Variants in FGFR4 observed in about 807,000 individuals in gnomAD.
The protein encoded by FGFR4 is hydroxyaryl-protein kinase.
A neutral mutation model predicts 89.9 loss-of-function variants in FGFR4; 63 were observed. The observed-to-expected ratio is 0.70, with a 90% CI of 0.57 to 0.86. The LOEUF is 0.86. Ranked by LOEUF, FGFR4 falls within the 40% of genes least tolerant of loss-of-function variation. The probability of loss-of-function intolerance (pLI) is 0.00; values close to 1 mark genes in which losing one functional copy is unlikely to be tolerated. For synonymous variants in FGFR4, 486 were observed against 479.4 expected (o/e 1.01, Z -0.18); for missense variants, 928 against 1,106.7 (o/e 0.84, Z 2.29).
Position 177,091,744 on chromosome 5 carries a change from A to T in FGFR4, c.663A>T (p.Thr221=). 1 of 1,614,240 alleles carries T rather than the reference A, an allele frequency of 6.2e-7. No homozygotes were observed. The highest frequency in any genetic ancestry group is 8.5e-7 in the Non-Finnish European group (1 of 1,180,040). ...GCGTGGTGCCCTCGGACCGCGGCAC[A>T]TACACCTGCCTGGTAGAGAACGCTG... The part of the protein sequence containing the change: ...MESVVPSDRG[T]YTCLVENAVG... Residue 221 remains threonine (T), a synonymous_variant, in exon 6 of 18, where the codon ACA becomes ACT. Transcript: ENST00000292408.
intron 5 of FGFR4, 52 bp from the exon 6 acceptor site, chr5:177,091,633 G>T: frequency 6.2e-7 from 1 of 1,605,260 alleles, no homozygotes; most frequent in Non-Finnish European, 8.5e-7. Context: ...TGGTCCTCTG[G>T]CCCCCTTGGT....
intron 8 of FGFR4, 30 bp downstream of exon 8, chr5:177,092,814 C>G: frequency 6.2e-7 from 1 of 1,614,086 alleles, no homozygotes; most frequent in Non-Finnish European, 8.5e-7. Context: ...GGAGATGCTG[C>G]GAGATGCCCC....
Position 177,093,631 on chromosome 5 carries a change from G to C in FGFR4, c.1398-23G>C. 1 of 1,614,162 alleles carries C rather than the reference G, an allele frequency of 6.2e-7. No homozygotes were observed. The highest frequency in any genetic ancestry group is 1.3e-5 in the African/African-American group (1 of 75,076). Reference sequence around the variant, plus strand: ...CCGCAGGAGTGACTCGGAGGTCTGAGGCTGGACTTTCTCCATCTCCAGGCT... The same window carrying C: ...CCGCAGGAGTGACTCGGAGGTCTGACGCTGGACTTTCTCCATCTCCAGGCT... On this transcript the variant is annotated intron_variant, in intron 10 of 17. Coordinates refer to ENST00000292408, the MANE Select transcript of FGFR4 (RefSeq NM_213647.3). The surrounding 1 kb of genome is among the most constrained non-coding windows in gnomAD (Gnocchi z 5.8).
chr5:177,097,693 T>G lies in FGFR4; in HGVS notation c.*17T>G. 1 of 1,611,952 alleles carries G rather than the reference T, an allele frequency of 6.2e-7. No individual in the cohort carries two copies. The highest frequency in any genetic ancestry group is 8.5e-7 in the Non-Finnish European group (1 of 1,178,798). Reference sequence around the variant, plus strand: ...CAGACATGAGCAAGGCTCAAGGCTGTGCAGGCACATAGGCTGGTGGCCTTG... The same window carrying G: ...CAGACATGAGCAAGGCTCAAGGCTGGGCAGGCACATAGGCTGGTGGCCTTG... On this transcript the variant is annotated 3_prime_UTR_variant, in exon 18 of 18. Coordinates refer to ENST00000292408, the MANE Select transcript of FGFR4 (RefSeq NM_213647.3).
At position 177,090,371 on chromosome 5, in the gene FGFR4, C is replaced by G. The variant is rs369619218; in HGVS notation, c.92-19C>G. 35 of 1,599,848 alleles carry G rather than the reference C, an allele frequency of 2.2e-5. No homozygotes were observed. Among genetic ancestry groups the G allele is most frequent in the Non-Finnish European group, 2.8e-5 (33 of 1,179,924 alleles). On this transcript the variant is annotated intron_variant, in intron 2 of 17. Transcript: ENST00000292408. ...AGATGGGGCTGCGGGGTCTGCTGACCTCTGCCCTCTGCCCACAGAGCCCTG... is the reference window on the plus strand; with the variant it reads ...AGATGGGGCTGCGGGGTCTGCTGACGTCTGCCCTCTGCCCACAGAGCCCTG...
chr5:177,097,999 C>A lies in FGFR4; in HGVS notation c.*323C>A. ...TTCTGGGCCTCTGAACCCCCTTTCC[C>A]CACACCTCCCCCTGCTGCTGCTGCC... On this transcript the variant is annotated 3_prime_UTR_variant, in exon 18 of 18. Transcript: ENST00000292408. 3.3e-6 allele frequency: 1 copy of A among 301,528 alleles called. No individual in the cohort carries two copies. Among genetic ancestry groups the A allele is most frequent in the East Asian group, 5.0e-5 (1 of 20,048 alleles). 18.7% of individuals were successfully genotyped at this position (301,528 alleles called of 1,614,324 possible).
Position 177,087,238 on chromosome 5 carries a change from A to G in FGFR4, c.-54+161A>G, listed in dbSNP as rs1267521160. On this transcript the variant is annotated intron_variant, in intron 1 of 17. Coordinates refer to ENST00000292408, the MANE Select transcript of FGFR4 (RefSeq NM_213647.3). The surrounding 1 kb of genome is among the most constrained non-coding windows in gnomAD (Gnocchi z 6.1). Reference sequence around the variant, plus strand: ...TAAATCAGTAACCCGCAGTGCACACAGGGCCTTTTGTCCCGCTCCGTCCAA... The same window carrying G: ...TAAATCAGTAACCCGCAGTGCACACGGGGCCTTTTGTCCCGCTCCGTCCAA... Among the ~76,000 whole-genome samples, 1 of 152,130 alleles carries G rather than the reference A, an allele frequency of 6.6e-6. No homozygotes were observed.
chr5:177,097,657 G>C lies in FGFR4; in HGVS notation c.2390G>C (p.Gly797Ala). ...TTGGGATCCAGCTCCTTCCCCTTCG[G>C]GTCTGGGGTGCAGACATGAGCAAGG... Reference protein sequence around the residue: ...LPLGSSSFPFGSGVQT With the variant: ...LPLGSSSFPFASGVQT The change falls in exon 18 of 18, where the codon GGG becomes GCG. Residue 797 changes from glycine to alanine, a missense_variant. Coordinates refer to ENST00000292408, the MANE Select transcript of FGFR4 (RefSeq NM_213647.3). 6.2e-7 allele frequency: 1 copy of C among 1,614,138 alleles called. No homozygotes were observed. Among genetic ancestry groups the C allele is most frequent in the Non-Finnish European group, 8.5e-7 (1 of 1,180,008 alleles).
rs2149729691 is a variant in FGFR4 at position 177,089,644 on chromosome 5, G to A, written c.42G>A (p.Val14=). 6.2e-7 allele frequency: 1 copy of A among 1,614,040 alleles called. No individual in the cohort carries two copies. Among genetic ancestry groups the A allele is most frequent in the South Asian group, 1.1e-5 (1 of 91,048 alleles). The change falls in exon 2 of 18, where the codon GTG becomes GTA. Residue 14 remains valine, a synonymous_variant. Coordinates refer to ENST00000292408, the MANE Select transcript of FGFR4 (RefSeq NM_213647.3). ...LLALLGVLLS[V]PGPPVLSLEA... is the part of the protein sequence containing the mutation. ...CCCTGTTGGGGGTCCTGCTGAGTGT[G>A]CCTGGGCCTCCAGTCTTGTCCCTGG...
At chr5:177,090,887 G>A (rs780979155) in intron 4 of FGFR4, 51 bp from the exon 5 acceptor site, 2 of 1,613,950 alleles carry the variant, frequency 1.2e-6, no homozygotes. Flanking sequence ...GAGAAGAGGA[G>A]GCCTGTGTGG....
rs758770208 is a variant in FGFR4, at chr5:177,091,016, G to A, written c.515G>A (p.Cys172Tyr). 26 of 1,613,284 alleles carry A rather than the reference G, an allele frequency of 1.6e-5. No homozygotes were observed. The highest frequency in any genetic ancestry group is 2.1e-5 in the Non-Finnish European group (25 of 1,179,378). ...VPAGNTVKFR[C>Y]PAAGNPTPTI... ...GCGGGGAACACCGTCAAGTTCCGCTGTCCAGCTGCAGGCAACCCCACGCCC... is the reference window on the plus strand; with the variant it reads ...GCGGGGAACACCGTCAAGTTCCGCTATCCAGCTGCAGGCAACCCCACGCCC... Residue 172 changes from cysteine (C) to tyrosine (Y), a missense_variant, in exon 5 of 18, where the codon TGT becomes TAT. Coordinates refer to ENST00000292408, the MANE Select transcript of FGFR4 (RefSeq NM_213647.3).
At position 177,096,153 on chromosome 5, in the gene FGFR4, A is replaced by G. The variant is rs761369768; in HGVS notation, c.1918A>G (p.Ile640Val). The G allele has an allele frequency of 3.1e-6, 5 of 1,614,096 alleles. No homozygotes were observed. Among genetic ancestry groups the G allele is most frequent in the South Asian group, 2.2e-5 (2 of 91,082 alleles). Residue 640 changes from isoleucine (I) to valine (V), a missense_variant, in exon 14 of 18, where the codon ATT (isoleucine) becomes GTT (valine). Coordinates refer to ENST00000292408, the MANE Select transcript of FGFR4 (RefSeq NM_213647.3). ...TGGGCTGGCCCGCGGCGTCCACCAC[A>G]TTGACTACTATAAGAAAACCAGCAA... The part of the protein sequence containing the change: ...DFGLARGVHH[I>V]DYYKKTSNGR...
rs748318813 is a variant in FGFR4, at chr5:177,093,540, C to T, written c.1386C>T (p.Phe462=). ...TACCTCTCGACCCACTATGGGAGTT[C>T]CCCCGGGACAGGTGCGCTGAGCTGT... is the stretch of plus-strand genomic sequence containing the variant. The part of the protein sequence containing the change: ...LDLPLDPLWE[F]PRDRLVLGKP... Residue 462 remains phenylalanine, a synonymous_variant, in exon 10 of 18, where the codon TTC becomes TTT. Coordinates refer to ENST00000292408, the MANE Select transcript of FGFR4 (RefSeq NM_213647.3). This position sits in a 1 kb window ranked among gnomAD's most constrained non-coding sequence, Gnocchi z 5.8. The T allele has an allele frequency of 1.9e-6, 3 of 1,613,350 alleles. No homozygotes were observed. The highest frequency in any genetic ancestry group is 2.5e-6 in the Non-Finnish European group (3 of 1,179,694).
At chr5:177,091,208 G>A (rs1033630199) in intron 5 of FGFR4, 104 bp downstream of exon 5, 54 of 1,413,374 alleles carry the variant, frequency 3.8e-5, no homozygotes, top group Admixed American at 1.8e-4. Flanking sequence ...TGAGTGAAGC[G>A]ATTGCGGGGC....
rs1270131789 is a variant in FGFR4 at position 177,095,373 on chromosome 5, G to A, written c.1563G>A (p.Met521Ile). The A allele has an allele frequency of 1.9e-6, 3 of 1,614,078 alleles. No homozygotes were observed. The highest frequency in any genetic ancestry group is 2.5e-6 in the Non-Finnish European group (3 of 1,180,032). ...DKDLADLVSE[M>I]EVMKLIGRHK... is the part of the protein sequence containing the mutation. ...ACCTGGCCGACCTGGTCTCGGAGAT[G>A]GAGGTGATGAAGCTGATCGGCCGAC... Residue 521 changes from methionine (M) to isoleucine (I), a missense_variant, in exon 12 of 18, where the codon ATG becomes ATA. By Grantham distance (10) the Met-to-Ile change is conservative (BLOSUM62 1). Coordinates refer to ENST00000292408, the MANE Select transcript of FGFR4 (RefSeq NM_213647.3). This position sits in a 1 kb window ranked among gnomAD's most constrained non-coding sequence, Gnocchi z 5.7.
chr5:177,086,948 T>C lies in FGFR4; in HGVS notation c.-183T>C, dbSNP rs1191525287. On this transcript the variant is annotated 5_prime_UTR_variant, in exon 1 of 18. Coordinates refer to ENST00000292408, the MANE Select transcript of FGFR4 (RefSeq NM_213647.3). The stretch of plus-strand genomic sequence containing the variant: ...GCTCCCGGCCGAGGAGCGCTCGGGC[T>C]GTCTGCGGACCCTGCCGCGTGCAGG... 1 of 151,810 alleles carries C rather than the reference T, an allele frequency of 6.6e-6. No individual in the cohort carries two copies. The highest frequency in any genetic ancestry group is 6.6e-5 in the Admixed American group (1 of 15,252). 9.4% of individuals were successfully genotyped at this position (151,810 alleles called of 1,614,324 possible). A position where few individuals can be genotyped will look rare whatever the true frequency, so the allele number is the denominator to read the frequency against.
chr5:177,095,038 T>C lies in FGFR4; in HGVS notation c.1520-292T>C. 7.6e-6 allele frequency: 3 copies of C among 395,152 alleles called. No individual in the cohort carries two copies. 24.5% of individuals were successfully genotyped at this position (395,152 alleles called of 1,614,324 possible). On this transcript the variant is annotated intron_variant, in intron 11 of 17. Coordinates refer to ENST00000292408, the MANE Select transcript of FGFR4 (RefSeq NM_213647.3). The surrounding 1 kb of genome is among the most constrained non-coding windows in gnomAD (Gnocchi z 5.7). ...CTTCCTGCTCCGAGCTCTTCCCCTC[T>C]CTCCTGTGTCCTGGGCCTGCCCGCT...
In FGFR4 at chr5:177,093,120, G is replaced by T; in HGVS notation, c.1058-18G>T. 1 of 1,614,040 alleles carries T rather than the reference G, an allele frequency of 6.2e-7. No homozygotes were observed. The highest frequency in any genetic ancestry group is 8.5e-7 in the Non-Finnish European group (1 of 1,180,014). On this transcript the variant is annotated intron_variant, in intron 8 of 17. Coordinates refer to ENST00000292408, the MANE Select transcript of FGFR4 (RefSeq NM_213647.3). The surrounding 1 kb of genome is among the most constrained non-coding windows in gnomAD (Gnocchi z 5.8). The stretch of plus-strand genomic sequence containing the variant: ...CTGACCAGTTTGTCTGTCTGTGTGT[G>T]TCCATGTGCGAGGGCAGAGGAGGAC...
intron 2 of FGFR4, chr5:177,090,098 T>TTGTG (rs745763878): frequency 4.7e-6 from 3 of 643,272 alleles, no homozygotes; most frequent in African/African-American, 1.8e-5. Flanking sequence ...AGCATGTGCC[T>TTGTG]TGTGTGTGTG....
Sources: allele counts gnomAD v4.1 joint callset (sites outside exome capture counted in the v4.1 genomes callset), GRCh38; gene constraint gnomAD v4.1.1; non-coding constraint Gnocchi (gnomAD v3.1); transcripts MANE v1.5; gene names NCBI Gene and HGNC (gene_info 2026-07-23, HGNC 2026-07-21).